The following ERCC6L2 variants were observed in gnomAD, a reference collection of about 807,000 sequenced individuals.
ERCC6L2 encodes DNA excision repair protein ERCC-6-like 2.
Under a neutral mutation model 132.0 loss-of-function variants are expected in ERCC6L2, and 77 were observed. The ratio of observed to expected loss-of-function variants is 0.58; its 90% confidence interval spans 0.49 to 0.71. The LOEUF is 0.71. Ranked by LOEUF, ERCC6L2 falls within the 30% of genes least tolerant of loss-of-function variation. The pLI, the probability that ERCC6L2 is intolerant of heterozygous loss-of-function variation, is 0.00. For missense variants in ERCC6L2, 1,542 were observed against 1,837.6 expected (o/e 0.84, Z 2.94); for synonymous variants, 583 against 632.4 (o/e 0.92, Z 1.17).
rs185314428 is a variant in ERCC6L2 at position 95,936,571 on chromosome 9, G to A, written c.1752-4883G>A. 7.9e-5 allele frequency among the ~76,000 whole-genome samples: 12 copies of A among 152,272 alleles called. No individual in the cohort carries two copies. In the East Asian group the frequency reaches 2.3e-3, roughly 29 times the overall value. ...ATTTTTAAATTAAACTTTTTATTCT[G>A]AGATATTTCTAGATTCACAAGTAGT... On this transcript the variant is annotated intron_variant, in intron 11 of 18. Coordinates refer to ENST00000653738, the MANE Select transcript of ERCC6L2 (RefSeq NM_020207.7).
chr9:95,976,939 T>A (rs1832697137), intron 16 of ERCC6L2, among the ~76,000 whole-genome samples: 1 of 152,214 alleles, frequency 6.6e-6, no homozygotes, highest in Admixed American at 6.5e-5. Context: ...CATTCTCGTT[T>A]AAGAGTTAAT....
At chr9:95,912,293 T>C (rs1406314601) in intron 4 of ERCC6L2, among the ~76,000 whole-genome samples, 2 of 152,194 alleles carry the variant, frequency 1.3e-5, no homozygotes, top group Non-Finnish European at 2.9e-5. Context: ...GGCTTCTAGC[T>C]TTTTTCAGCT....
chr9:95,921,726 A>G (rs1206069198), intron 7 of ERCC6L2, among the ~76,000 whole-genome samples: 2 of 152,192 alleles, frequency 1.3e-5, no homozygotes, highest in African/African-American at 4.8e-5. Flanking sequence ...AGTATCAAAG[A>G]AAGTGTTTTT....
intron 2 of ERCC6L2, 96 bp from the exon 3 acceptor site, chr9:95,897,753 C>T (rs1828543810): frequency 8.1e-7 from 1 of 1,229,032 alleles, no homozygotes; most frequent in African/African-American, 1.5e-5. Context: ...TCTCTTTGTA[C>T]ATACTTTGTC....
At chr9:95,979,350 C>G (rs895164835) in intron 17 of ERCC6L2, among the ~76,000 whole-genome samples, 1 of 152,074 alleles carries the variant, frequency 6.6e-6, no homozygotes, top group Admixed American at 6.6e-5. Flanking sequence ...GGGAGGCACT[C>G]CCATATGCAA....
chr9:96,039,896 A>C (rs1346787311), intron 20 of ERCC6L2, among the ~76,000 whole-genome samples: 1 of 151,982 alleles, frequency 6.6e-6, no homozygotes, highest in African/African-American at 2.4e-5. Flanking sequence ...CGAATCTACT[A>C]TCTGCAGGAT....
At chr9:95,991,874 A>G (rs968972592) in intron 17 of ERCC6L2, among the ~76,000 whole-genome samples, 1 of 152,260 alleles carries the variant, frequency 6.6e-6, no homozygotes, top group Non-Finnish European at 1.5e-5. Flanking sequence ...ATGAATTTTA[A>G]CAATATAAAA....
chr9:95,944,235 C>A (rs565895067), intron 12 of ERCC6L2, among the ~76,000 whole-genome samples: 2 of 152,238 alleles, frequency 1.3e-5, no homozygotes, highest in South Asian at 2.1e-4. Context: ...CATAGACAAA[C>A]CTTGAAGACA....
intron 16 of ERCC6L2, among the ~76,000 whole-genome samples, chr9:95,973,309 T>G (rs1171632570): frequency 6.6e-6 from 1 of 152,162 alleles, no homozygotes; most frequent in African/African-American, 2.4e-5. Context: ...TGTGCCCATC[T>G]AAATCACAGT....
intron 12 of ERCC6L2, among the ~76,000 whole-genome samples, chr9:95,949,969 T>C (rs1831253125): frequency 1.3e-5 from 2 of 150,806 alleles, no homozygotes; most frequent in Non-Finnish European, 2.9e-5. Context: ...ATGCCGAGAT[T>C]GTGCCACTAC....
intron 2 of ERCC6L2, among the ~76,000 whole-genome samples, chr9:95,889,979 G>A (rs1268327069): frequency 6.6e-6 from 1 of 152,092 alleles, no homozygotes; most frequent in Non-Finnish European, 1.5e-5. Flanking sequence ...CAGCCAGTTT[G>A]CGCACATTAA....
At chr9:95,983,661 C>T (rs1832976583) in intron 17 of ERCC6L2, among the ~76,000 whole-genome samples, 1 of 152,162 alleles carries the variant, frequency 6.6e-6, no homozygotes, top group African/African-American at 2.4e-5. Context: ...ATTGCCTTGT[C>T]ATCTGAAAAT....
At chr9:95,922,713 C>T (rs1391976076) in intron 8 of ERCC6L2, among the ~76,000 whole-genome samples, 2 of 152,140 alleles carry the variant, frequency 1.3e-5, no homozygotes, top group African/African-American at 4.8e-5. Context: ...TGGGTCAGTT[C>T]TATTCCTCTA....
At position 95,972,451 on chromosome 9, in the gene ERCC6L2, T is replaced by C; in HGVS notation, c.2700T>C (p.Asp900=). 1.6e-6 allele frequency: 2 copies of C among 1,283,238 alleles called. No homozygotes were observed. Among genetic ancestry groups the C allele is most frequent in the Non-Finnish European group, 2.0e-6 (2 of 987,152 alleles). The allele number at this position is 1,283,238 out of a possible 1,614,324, so 79.5% of individuals were successfully genotyped here. A position where few individuals can be genotyped will look rare whatever the true frequency, so the allele number is the denominator to read the frequency against. Residue 900 remains aspartate, a synonymous_variant, in exon 16 of 19, where the codon GAT becomes GAC. Coordinates refer to ENST00000653738, the MANE Select transcript of ERCC6L2 (RefSeq NM_020207.7). ...CILQNVTESE[D]SDVICPTQYT... ...TACAGAATGTCACAGAATCAGAAGA[T>C]AGTGATGTCATCTGTCCTACACAAT...
chr9:95,979,178 G>A (rs1187925231), intron 17 of ERCC6L2, among the ~76,000 whole-genome samples: 1 of 152,128 alleles, frequency 6.6e-6, no homozygotes, highest in Non-Finnish European at 1.5e-5. Flanking sequence ...AAACAAAGGA[G>A]GTAAGCTATC....
Position 96,017,186 on chromosome 9 carries a change from A to G in ERCC6L2, c.*3983A>G, listed in dbSNP as rs1462331817. 5.3e-5 allele frequency among the ~76,000 whole-genome samples: 8 copies of G among 152,060 alleles called. No homozygotes were observed. Among genetic ancestry groups the G allele is most frequent in the South Asian group, 2.1e-4 (1 of 4,820 alleles). ...AGTGCTTCTAGGAGGCCTTACTGGG[A>G]TGGTTCATAAGCCACTTTCCTCTTG... On this transcript the variant is annotated 3_prime_UTR_variant, in exon 19 of 19. Transcript: ENST00000653738.
intron 12 of ERCC6L2, among the ~76,000 whole-genome samples, chr9:95,951,957 C>G (rs922442693): frequency 2.6e-5 from 4 of 151,812 alleles, no homozygotes; most frequent in Non-Finnish European, 5.9e-5. Flanking sequence ...ATCACGAGTT[C>G]AGGAGTTCAA....
chr9:95,890,068 A>G (rs1414760011), intron 2 of ERCC6L2, among the ~76,000 whole-genome samples: 2 of 152,080 alleles, frequency 1.3e-5, no homozygotes, highest in Non-Finnish European at 2.9e-5. Flanking sequence ...CCTTCAACAC[A>G]TCTCCTAACT....
In ERCC6L2 at chr9:95,875,784, C is replaced by T. The variant is rs1430492359; in HGVS notation, c.-255C>T. The T allele has an allele frequency of 1.8e-6, 1 of 550,168 alleles. No homozygotes were observed. Among genetic ancestry groups the T allele is most frequent in the African/African-American group, 1.9e-5 (1 of 52,732 alleles). The allele number at this position is 550,168 out of a possible 1,614,324, so 34.1% of individuals were successfully genotyped here. On this transcript the variant is annotated 5_prime_UTR_variant, in exon 1 of 19. Coordinates refer to ENST00000653738, the MANE Select transcript of ERCC6L2 (RefSeq NM_020207.7). ...GAGAACTAGGTGAACACCGCTTTGC[C>T]AGCCTCACACAGCGTCCCCTGGCTC...
Sources: gnomAD v4.1 joint callset for allele counts (sites outside exome capture counted in the v4.1 genomes callset) on GRCh38, gnomAD v4.1.1 for gene constraint, MANE v1.5 for transcripts, NCBI Gene and HGNC (gene_info 2026-07-23, HGNC 2026-07-21) for gene names.